The following MECOM variants were observed in gnomAD, a reference collection of about 807,000 sequenced individuals.
The protein encoded by MECOM is histone-lysine N-methyltransferase MECOM.
Under a neutral mutation model 116.3 loss-of-function variants are expected in MECOM, and 13 were observed. That is an observed-to-expected ratio of 0.11 (90% CI 0.07 to 0.18). MECOM has a LOEUF of 0.18. MECOM is among the 10% of genes least tolerant of loss of function. The pLI, the probability that MECOM is intolerant of heterozygous loss-of-function variation, is 1.00. For synonymous variants in MECOM, 528 were observed against 535.2 expected (o/e 0.99, Z 0.19); for missense variants, 1,299 against 1,509.0 (o/e 0.86, Z 2.31).
intron 2 of MECOM, among the ~76,000 whole-genome samples, chr3:169,242,399 C>G (rs557565197): frequency 9.9e-5 from 15 of 152,280 alleles, no homozygotes; most frequent in Middle Eastern, 3.4e-3. Context: ...CCCCCTTAGA[C>G]TCTACCCAAA....
intron 1 of MECOM, among the ~76,000 whole-genome samples, chr3:169,574,669 CA>C (rs1764275458): frequency 1.3e-5 from 2 of 152,164 alleles, no homozygotes; most frequent in Non-Finnish European, 2.9e-5. Context: ...ACCTGAATAT[CA>C]GAAATCCTTC....
chr3:169,211,875 G>A (rs1750772513), intron 2 of MECOM, among the ~76,000 whole-genome samples: 1 of 152,028 alleles, frequency 6.6e-6, no homozygotes, highest in African/African-American at 2.4e-5. Flanking sequence ...CTCAAATTTA[G>A]TTTCCTTAGT....
At chr3:169,259,451 G>A (rs1757265163) in intron 2 of MECOM, among the ~76,000 whole-genome samples, 2 of 152,188 alleles carry the variant, frequency 1.3e-5, no homozygotes, top group Admixed American at 1.3e-4. Flanking sequence ...TTCTGGGCCA[G>A]GCACAGTGGC....
chr3:169,633,561 G>A (rs1772344824), intron 1 of MECOM, among the ~76,000 whole-genome samples: 4 of 152,124 alleles, frequency 2.6e-5, no homozygotes, highest in Admixed American at 1.3e-4. Flanking sequence ...TAACATTCTT[G>A]CCAAGGATCT....
chr3:169,596,089 T>C (rs1057372796), intron 1 of MECOM, among the ~76,000 whole-genome samples: 4 of 152,206 alleles, frequency 2.6e-5, no homozygotes, highest in Admixed American at 1.3e-4. Context: ...AACTGAATAA[T>C]TGGATGGAAA....
intron 2 of MECOM, among the ~76,000 whole-genome samples, chr3:169,341,333 T>A (rs1188493959): frequency 6.7e-6 from 1 of 148,900 alleles, no homozygotes; most frequent in Admixed American, 6.8e-5. Flanking sequence ...ATTTGTGGGA[T>A]CTAAAAATCA....
At position 169,170,430 on chromosome 3, in the gene MECOM, C is replaced by G. The variant is rs917020634; in HGVS notation, c.376-26598G>C. 3.8e-4 allele frequency among the ~76,000 whole-genome samples: 51 copies of G among 132,686 alleles called. No homozygotes were observed. The East Asian group carries it at 0.01, about 27-fold the overall frequency. The allele number at this position is 132,686 out of a possible 152,430, so 87.0% of individuals were successfully genotyped here. Reference sequence around the variant, plus strand: ...AAAAAAAAAAAAAAAAAAAAAAAATCAAAGCTAAGCGTCTGCATTCTCTCA... The same window carrying G: ...AAAAAAAAAAAAAAAAAAAAAAAATGAAAGCTAAGCGTCTGCATTCTCTCA... On this transcript the variant is annotated intron_variant, in intron 2 of 16. Transcript: ENST00000651503.
intron 1 of MECOM, among the ~76,000 whole-genome samples, chr3:169,523,464 T>C (rs148694322): frequency 1.3e-5 from 2 of 151,464 alleles, no homozygotes; most frequent in Non-Finnish European, 2.9e-5. Context: ...AGAGAACTTC[T>C]CTCTGGAGAG....
intron 1 of MECOM, among the ~76,000 whole-genome samples, chr3:169,655,069 A>T (rs902203136): frequency 4.0e-5 from 6 of 151,704 alleles, no homozygotes; most frequent in South Asian, 2.1e-4. Context: ...GAAAACTTAC[A>T]TAAAAACCCA....
chr3:169,650,588 T>C (rs1039767696), intron 1 of MECOM, among the ~76,000 whole-genome samples: 1 of 152,012 alleles, frequency 6.6e-6, no homozygotes, highest in African/African-American at 2.4e-5. Flanking sequence ...TCACAGTGGA[T>C]TTTAGAAAGA....
chr3:169,318,659 C>T (rs1720228311), intron 2 of MECOM, among the ~76,000 whole-genome samples: 1 of 152,190 alleles, frequency 6.6e-6, no homozygotes, highest in East Asian at 1.9e-4. Context: ...AATGCTTTTA[C>T]ACTGTTGATG....
At chr3:169,369,051 T>G (rs879667948) in intron 2 of MECOM, among the ~76,000 whole-genome samples, 3 of 151,932 alleles carry the variant, frequency 2.0e-5, no homozygotes, top group Non-Finnish European at 4.4e-5. Context: ...TTGAGGAAAT[T>G]TTCTTAAATT....
intron 1 of MECOM, among the ~76,000 whole-genome samples, chr3:169,526,618 T>A (rs13326587): frequency 0.014 from 2,103 of 152,330 alleles, 57 homozygotes; most frequent in African/African-American, 0.048. Context: ...ACAGCCTGCT[T>A]ATATTATTCT....
chr3:169,591,402 C>T (rs117750544), intron 1 of MECOM, among the ~76,000 whole-genome samples: 5 of 152,214 alleles, frequency 3.3e-5, no homozygotes, highest in East Asian at 1.9e-4. Flanking sequence ...AGGCTGTGGA[C>T]GGAGAAATCC....
intron 1 of MECOM, among the ~76,000 whole-genome samples, chr3:169,578,791 C>T (rs965998571): frequency 1.3e-5 from 2 of 152,166 alleles, no homozygotes; most frequent in African/African-American, 4.8e-5. Context: ...TCAATGATCT[C>T]AGCATGTCAC....
intron 2 of MECOM, among the ~76,000 whole-genome samples, chr3:169,201,471 C>T (rs565084575): frequency 9.2e-5 from 14 of 152,122 alleles, no homozygotes; most frequent in African/African-American, 2.4e-4. Context: ...GGCTCCTTTA[C>T]GCTAGCTACT....
At chr3:169,217,456 C>A (rs1175868806) in intron 2 of MECOM, among the ~76,000 whole-genome samples, 7 of 152,070 alleles carry the variant, frequency 4.6e-5, no homozygotes, top group Admixed American at 1.3e-4. Flanking sequence ...GCACAATTAA[C>A]ATAACCTCAC....
chr3:169,545,858 A>G (rs1342106279), intron 1 of MECOM, among the ~76,000 whole-genome samples: 2 of 152,040 alleles, frequency 1.3e-5, no homozygotes, highest in Non-Finnish European at 2.9e-5. Context: ...CCCCTGCTCT[A>G]CAAAGCATGT....
chr3:169,487,382 G>A (rs996120974), intron 1 of MECOM, among the ~76,000 whole-genome samples: 12 of 151,818 alleles, frequency 7.9e-5, no homozygotes, highest in African/African-American at 2.9e-4. Context: ...TAAACTGGGG[G>A]CAGGGGAGGG....
Sources: gnomAD v4.1 joint callset for allele counts (sites outside exome capture counted in the v4.1 genomes callset) on GRCh38, gnomAD v4.1.1 for gene constraint, MANE v1.5 for transcripts, NCBI Gene and HGNC (gene_info 2026-07-23, HGNC 2026-07-21) for gene names.